Variants in NPAS3 observed in about 807,000 individuals in gnomAD.
NPAS3 encodes neuronal PAS domain protein 3.
A neutral mutation model predicts 73.1 loss-of-function variants in NPAS3; 14 were observed. That is an observed-to-expected ratio of 0.19 (90% CI 0.13 to 0.30). NPAS3 has a LOEUF of 0.30. Among genes scored for constraint, NPAS3 ranks in the 10% least tolerant of loss-of-function variants. The pLI is 1.00. For missense variants in NPAS3, 1,096 were observed against 1,250.0 expected, an observed-to-expected ratio of 0.88 and a Z score of 1.86; for synonymous variants, 620 against 541.5, an observed-to-expected ratio of 1.14 and a Z score of -2.01.
At chr14:33,450,534 T>C (rs2049743884) in intron 4 of NPAS3, among the ~76,000 whole-genome samples, 1 of 152,234 alleles carries the variant, frequency 6.6e-6, no homozygotes, top group Admixed American at 6.5e-5. Flanking sequence ...AGATGATATG[T>C]GGAATAATAT....
intron 2 of NPAS3, among the ~76,000 whole-genome samples, chr14:33,202,785 G>T (rs2046671342): frequency 6.6e-6 from 1 of 150,958 alleles, no homozygotes; most frequent in Non-Finnish European, 1.5e-5. Context: ...AAGTAATCAT[G>T]GAAAGATGGT....
intron 2 of NPAS3, among the ~76,000 whole-genome samples, chr14:33,124,845 G>C (rs1195386629): frequency 1.3e-5 from 2 of 152,032 alleles, no homozygotes; most frequent in East Asian, 3.9e-4. Flanking sequence ...GTTACAAGAA[G>C]AAAAGGGCAA....
At chr14:33,218,036 A>C (rs924142157) in intron 3 of NPAS3, among the ~76,000 whole-genome samples, 1 of 152,082 alleles carries the variant, frequency 6.6e-6, no homozygotes, top group Non-Finnish European at 1.5e-5. Context: ...TTAACTTCTT[A>C]GTATGATTAA....
intron 3 of NPAS3, among the ~76,000 whole-genome samples, chr14:33,243,984 T>C (rs1218760324): frequency 3.3e-5 from 5 of 152,200 alleles, no homozygotes; most frequent in Admixed American, 2.6e-4. Flanking sequence ...TAAAATAATG[T>C]GAAAGCTTCT....
intron 3 of NPAS3, among the ~76,000 whole-genome samples, chr14:33,337,013 T>A (rs2044259584): frequency 6.6e-6 from 1 of 152,212 alleles, no homozygotes; most frequent in Non-Finnish European, 1.5e-5. Flanking sequence ...AGCAAATATT[T>A]TCCCCAGTCT....
intron 9 of NPAS3, among the ~76,000 whole-genome samples, chr14:33,779,458 T>G (rs1255189205): frequency 6.6e-6 from 1 of 152,184 alleles, no homozygotes. Flanking sequence ...TCCATGTCCC[T>G]GGAAGCTTCT....
Position 33,800,870 on chromosome 14 carries a change from G to C in NPAS3, c.2563G>C (p.Asp855His). The change falls in exon 12 of 12, where the codon GAC (aspartate) becomes CAC (histidine). Residue 855 changes from aspartate to histidine, a missense_variant. Asp to His is a moderately conservative substitution (Grantham distance 81, BLOSUM62 -1). Coordinates refer to ENST00000356141, the Ensembl canonical transcript of NPAS3. The surrounding 1 kb of genome is among the most constrained non-coding windows in gnomAD (Gnocchi z 6.5). The stretch of plus-strand genomic sequence containing the variant: ...CAACGCGCACGCTGTTAACTTCGTG[G>C]ACGTTAACAGCCCCGGCTTTGGCCT... 1 of 1,606,336 alleles carries C rather than the reference G, an allele frequency of 6.2e-7. No individual in the cohort carries two copies. The highest frequency in any genetic ancestry group is 8.5e-7 in the Non-Finnish European group (1 of 1,176,928).
chr14:33,678,317 T>C (rs898053359), intron 6 of NPAS3, among the ~76,000 whole-genome samples: 9 of 152,262 alleles, frequency 5.9e-5, no homozygotes, highest in Non-Finnish European at 8.8e-5. Context: ...TTCCCACTGA[T>C]CCAAGGTCTG....
chr14:33,094,073 A>T (rs2042322710), intron 2 of NPAS3, among the ~76,000 whole-genome samples: 1 of 151,934 alleles, frequency 6.6e-6, no homozygotes. Flanking sequence ...TATATGTAAC[A>T]CACCTGCACA....
intron 4 of NPAS3, among the ~76,000 whole-genome samples, chr14:33,438,391 C>A (rs1005083004): frequency 6.6e-5 from 10 of 152,174 alleles, no homozygotes; most frequent in African/African-American, 2.4e-4. Flanking sequence ...ACTGCTGAAA[C>A]TTACCTTTCC....
At chr14:33,043,704 T>G (rs1040690373) in intron 1 of NPAS3, among the ~76,000 whole-genome samples, 1 of 152,120 alleles carries the variant, frequency 6.6e-6, no homozygotes, top group African/African-American at 2.4e-5. Context: ...GAACAAAGAC[T>G]TACACAGCAC....
Position 33,589,636 on chromosome 14 carries a change from T to C in NPAS3, c.558+29426T>C, listed in dbSNP as rs2056992340. On this transcript the variant is annotated intron_variant, in intron 5 of 11. Transcript: ENST00000356141. The stretch of plus-strand genomic sequence containing the variant: ...CCACATCTCATCGCTCCTTCCACCA[T>C]CTACTATAAAGTTTTTTATTGTTGT... Among the ~76,000 whole-genome samples the C allele has an allele frequency of 3.3e-5, 5 of 152,306 alleles. No homozygotes were observed. The South Asian group carries it at 1.0e-3, about 32-fold the overall frequency.
chr14:33,467,182 A>C (rs1273346910), intron 4 of NPAS3, among the ~76,000 whole-genome samples: 1 of 152,182 alleles, frequency 6.6e-6, no homozygotes, highest in African/African-American at 2.4e-5. Context: ...GCATGCCCTC[A>C]GCAGCCAGAT....
intron 3 of NPAS3, among the ~76,000 whole-genome samples, chr14:33,267,564 T>A (rs1375811559): frequency 6.6e-6 from 1 of 152,210 alleles, no homozygotes; most frequent in Admixed American, 6.5e-5. Context: ...TTTTCCCCTA[T>A]ATGCCTTTAT....
At position 33,800,566 on chromosome 14, in the gene NPAS3, G is replaced by T; in HGVS notation, c.2259G>T (p.Ala753=). The T allele has an allele frequency of 7.6e-7, 1 of 1,312,834 alleles. No individual in the cohort carries two copies. 81.3% of individuals were successfully genotyped at this position (1,312,834 alleles called of 1,614,324 possible). ...ACCCGCTGTCACCCCCGCTCTCGGC[G>T]TCCCCGCGGGACAAGCACCCCGGGA... The change falls in exon 12 of 12, where the codon GCG becomes GCT. Residue 753 remains alanine, a synonymous_variant. Transcript: ENST00000356141. The surrounding 1 kb of genome is among the most constrained non-coding windows in gnomAD (Gnocchi z 6.5).
intron 6 of NPAS3, among the ~76,000 whole-genome samples, chr14:33,677,417 A>AATTATT (rs2059800205): frequency 6.6e-6 from 1 of 152,164 alleles, no homozygotes; most frequent in African/African-American, 2.4e-5. Flanking sequence ...TTACTTGGAA[A>AATTATT]ATTATTTTTT....
At chr14:33,086,719 C>G (rs2042036851) in intron 2 of NPAS3, among the ~76,000 whole-genome samples, 1 of 152,086 alleles carries the variant, frequency 6.6e-6, no homozygotes, top group African/African-American at 2.4e-5. Context: ...TTCTTCCAAC[C>G]CTTTTAAATG....
intron 1 of NPAS3, among the ~76,000 whole-genome samples, chr14:32,983,055 A>C (rs2037961770): frequency 6.6e-6 from 1 of 152,208 alleles, no homozygotes; most frequent in East Asian, 1.9e-4. Context: ...ATAATTAGAG[A>C]AGAAAAACCT....
intron 3 of NPAS3, among the ~76,000 whole-genome samples, chr14:33,310,421 G>A (rs562504401): frequency 9.8e-4 from 149 of 152,266 alleles, no homozygotes; most frequent in African/African-American, 3.4e-3. Context: ...GGGGATGGGG[G>A]CAGAGAATTG....
Sources: allele counts gnomAD v4.1 joint callset (sites outside exome capture counted in the v4.1 genomes callset), GRCh38; gene constraint gnomAD v4.1.1; non-coding constraint Gnocchi (gnomAD v3.1); transcripts MANE v1.5; gene names NCBI Gene and HGNC (gene_info 2026-07-23, HGNC 2026-07-21).